The following GABRG3 variants were observed in gnomAD, a reference collection of about 807,000 sequenced individuals.
The protein encoded by GABRG3 is gamma-aminobutyric acid type A receptor subunit gamma3.
In GABRG3, 25 loss-of-function variants were observed where a neutral mutation model predicts 48.8. That is an observed-to-expected ratio of 0.51 (90% CI 0.37 to 0.72). The LOEUF is 0.72. Among genes scored for constraint, GABRG3 ranks in the 30% least tolerant of loss-of-function variants. The pLI, the probability that GABRG3 is intolerant of heterozygous loss-of-function variation, is 0.00. For missense variants in GABRG3, 394 were observed against 577.9 expected (o/e 0.68, Z 3.26); for synonymous variants, 227 against 217.6 (o/e 1.04, Z -0.38).
At chr15:27,190,519 T>C (rs1039973054) in intron 3 of GABRG3, among the ~76,000 whole-genome samples, 12 of 152,262 alleles carry the variant, frequency 7.9e-5, no homozygotes, top group Admixed American at 7.8e-4. Context: ...TGCGTAGAGG[T>C]GTTTGTAGTA....
intron 3 of GABRG3, among the ~76,000 whole-genome samples, chr15:27,219,216 T>C (rs1050944849): frequency 1.3e-5 from 2 of 152,350 alleles, no homozygotes; most frequent in South Asian, 2.1e-4. Flanking sequence ...TCTATTGCTC[T>C]ACACTGTGGA....
At chr15:27,173,779 G>A (rs943433106) in intron 3 of GABRG3, among the ~76,000 whole-genome samples, 2 of 151,904 alleles carry the variant, frequency 1.3e-5, no homozygotes, top group Non-Finnish European at 2.9e-5. Flanking sequence ...CGACTCAGGA[G>A]GCTGAGGCAG....
intron 9 of GABRG3, among the ~76,000 whole-genome samples, chr15:27,530,371 T>C (rs2150866074): frequency 6.6e-6 from 1 of 152,302 alleles, no homozygotes; most frequent in Non-Finnish European, 1.5e-5. Flanking sequence ...TTAAAATCTC[T>C]ATCTTGGGTA....
intron 5 of GABRG3, among the ~76,000 whole-genome samples, chr15:27,455,589 CTA>C (rs1309735075): frequency 6.1e-5 from 9 of 146,870 alleles, no homozygotes; most frequent in Admixed American, 2.7e-4. Flanking sequence ...TGTATGTGTG[CTA>C]TGTGTGTGTG....
Position 27,277,492 on chromosome 15 carries a change from A to G in GABRG3, c.271-49317A>G, listed in dbSNP as rs187497376. ...ATTCTTTGATGACTTCTGAGAATCA[A>G]TGATGCCTAACTGGAGGAGATTGAT... On this transcript the variant is annotated intron_variant, in intron 3 of 9. Transcript: ENST00000615808. Among the ~76,000 whole-genome samples, 93 of 152,370 alleles carry G rather than the reference A, an allele frequency of 6.1e-4. 1 individual carries two copies. Among genetic ancestry groups the G allele is most frequent in the African/African-American group, 1.4e-3 (59 of 41,590 alleles).
chr15:27,360,836 C>G (rs776854690), intron 5 of GABRG3, among the ~76,000 whole-genome samples: 1 of 152,222 alleles, frequency 6.6e-6, no homozygotes, highest in African/African-American at 2.4e-5. Flanking sequence ...TTTTGGCTCC[C>G]TGATGAGTTT....
intron 3 of GABRG3, among the ~76,000 whole-genome samples, chr15:27,224,700 G>A (rs188372000): frequency 6.6e-6 from 1 of 152,320 alleles, no homozygotes; most frequent in African/African-American, 2.4e-5. Context: ...AGGTATTTAA[G>A]ATGGAAAGGT....
At position 27,469,630 on chromosome 15, in the gene GABRG3, C is replaced by T. The variant is rs187568344; in HGVS notation, c.575-11020C>T. ...TGCTGGGATCACAGACGTGAGCCAC[C>T]GCGCCTGGCCTCAAGTCTCTTTTAA... On this transcript the variant is annotated intron_variant, in intron 5 of 9. Coordinates refer to ENST00000615808, the MANE Select transcript of GABRG3 (RefSeq NM_033223.5). Among the ~76,000 whole-genome samples the T allele has an allele frequency of 1.3e-4, 20 of 152,246 alleles. No homozygotes were observed. In the East Asian group the frequency reaches 2.1e-3, roughly 16 times the overall value.
intron 3 of GABRG3, among the ~76,000 whole-genome samples, chr15:27,187,999 C>T (rs1043869705): frequency 2.0e-5 from 3 of 150,726 alleles, no homozygotes; most frequent in African/African-American, 4.9e-5. Flanking sequence ...GTTCTTGCGA[C>T]AGTTTACTGA....
intron 3 of GABRG3, among the ~76,000 whole-genome samples, chr15:27,201,608 G>A (rs1888686936): frequency 6.6e-6 from 1 of 152,028 alleles, no homozygotes; most frequent in South Asian, 2.1e-4. Context: ...GTCCAAAGAG[G>A]AGGCGCTATT....
At chr15:27,226,687 A>G (rs1235690014) in intron 3 of GABRG3, among the ~76,000 whole-genome samples, 2 of 152,184 alleles carry the variant, frequency 1.3e-5, no homozygotes, top group African/African-American at 4.8e-5. Flanking sequence ...CAGTGCATTC[A>G]CCAGGTCTCT....
chr15:27,181,449 G>A (rs902653906), intron 3 of GABRG3, among the ~76,000 whole-genome samples: 4 of 152,188 alleles, frequency 2.6e-5, no homozygotes, highest in African/African-American at 9.7e-5. Context: ...GGGGAAGGCT[G>A]TAATACAGAC....
chr15:27,323,155 T>TAGAC (rs1283354859), intron 3 of GABRG3, among the ~76,000 whole-genome samples: 1 of 152,188 alleles, frequency 6.6e-6, no homozygotes, highest in Non-Finnish European at 1.5e-5. Context: ...ACCCTGTGTA[T>TAGAC]AGACTAAAAA....
chr15:27,236,146 G>A lies in GABRG3; in HGVS notation c.271-90663G>A, dbSNP rs571060497. ...TGAGCCCCATCAGATCCATGGTACA[G>A]ACCCAGAACACTTTTCTGTAAACCG... On this transcript the variant is annotated intron_variant, in intron 3 of 9. Coordinates refer to ENST00000615808, the MANE Select transcript of GABRG3 (RefSeq NM_033223.5). The surrounding 1 kb of genome is among the most constrained non-coding windows in gnomAD (Gnocchi z 4.4). 6.6e-6 allele frequency among the ~76,000 whole-genome samples: 1 copy of A among 152,274 alleles called. No homozygotes were observed. Among genetic ancestry groups the A allele is most frequent in the East Asian group, 1.9e-4 (1 of 5,178 alleles).
intron 2 of GABRG3, among the ~76,000 whole-genome samples, chr15:26,990,990 A>C (rs1250281809): frequency 6.6e-6 from 1 of 151,924 alleles, no homozygotes; most frequent in Non-Finnish European, 1.5e-5. Context: ...TTTTCAATAG[A>C]GATGGGATTT....
chr15:27,255,358 C>G (rs1037371831), intron 3 of GABRG3, among the ~76,000 whole-genome samples: 36 of 152,328 alleles, frequency 2.4e-4, no homozygotes, highest in African/African-American at 8.4e-4. Context: ...CTCTAACAGA[C>G]TTTCCTGGCA....
At chr15:27,508,425 T>C (rs146261268) in intron 6 of GABRG3, among the ~76,000 whole-genome samples, 57 of 152,318 alleles carry the variant, frequency 3.7e-4, no homozygotes, top group African/African-American at 1.2e-3. Flanking sequence ...CTTTCTTCCA[T>C]CTCTTGTATA....
intron 6 of GABRG3, among the ~76,000 whole-genome samples, chr15:27,514,869 A>G (rs1350076552): frequency 2.6e-5 from 4 of 152,202 alleles, no homozygotes; most frequent in Non-Finnish European, 5.9e-5. Flanking sequence ...TGGTGTAGCC[A>G]CTAATCACAG....
At chr15:27,046,269 T>G (rs1248676762) in intron 3 of GABRG3, among the ~76,000 whole-genome samples, 137 of 151,932 alleles carry the variant, frequency 9.0e-4, no homozygotes, top group African/African-American at 2.8e-3. Context: ...AATTTTTTTT[T>G]TTTTTTTGTA....
Sources: allele counts gnomAD v4.1 joint callset (sites outside exome capture counted in the v4.1 genomes callset), GRCh38; gene constraint gnomAD v4.1.1; non-coding constraint Gnocchi (gnomAD v3.1); transcripts MANE v1.5; gene names NCBI Gene and HGNC (gene_info 2026-07-23, HGNC 2026-07-21).